Variants in ZNF600 observed in about 807,000 individuals in gnomAD.
ZNF600 encodes zinc finger protein KR-ZNF1.
Under a neutral mutation model 7.3 loss-of-function variants are expected in ZNF600, and 4 were observed. The ratio of observed to expected loss-of-function variants is 0.55; its 90% CI spans 0.27 to 1.25. The LOEUF is 1.25. Among genes scored for constraint, ZNF600 ranks in the 50% most tolerant of loss-of-function variants. The probability of loss-of-function intolerance (pLI) is 0.12; values close to 1 mark genes in which losing one functional copy is unlikely to be tolerated. For missense variants in ZNF600, 911 were observed against 922.1 expected, an observed-to-expected ratio of 0.99 and a Z score of 0.16; for synonymous variants, 290 against 308.9, an observed-to-expected ratio of 0.94 and a Z score of 0.64.
exon 4 of ZNF600, chr19:52,766,957 T>C (rs750263477): frequency 5.6e-6 from 9 of 1,613,908 alleles, no homozygotes; most frequent in African/African-American, 4.0e-5. Context: ...CCAGTATGAA[T>C]TGCCTTATGA....
chr19:52,815,782 A>G, the ZNF600 span, among the ~76,000 whole-genome samples: 6 of 146,106 alleles, frequency 4.1e-5, no homozygotes, highest in Admixed American at 2.1e-4. Context: ...CCGAGATTGC[A>G]CCACTGCACT....
At chr19:52,810,174 G>A in the ZNF600 span, 1 of 974,576 alleles carries the variant, frequency 1.0e-6, no homozygotes, top group Non-Finnish European at 1.7e-6. Context: ...TGGAGTCAGG[G>A]AGGTGGAGGA....
intron 2 of ZNF600, among the ~76,000 whole-genome samples, chr19:52,775,504 C>T (rs1430597693): frequency 6.6e-5 from 10 of 151,966 alleles, no homozygotes; most frequent in Non-Finnish European, 1.3e-4. Flanking sequence ...GAGCCAAGAT[C>T]GCACCACTGC....
At chr19:52,795,517 G>C in the ZNF600 span, among the ~76,000 whole-genome samples, 2 of 152,066 alleles carry the variant, frequency 1.3e-5, no homozygotes, top group African/African-American at 4.8e-5. Context: ...GGAAAACAAT[G>C]ATGTGACTTC....
the ZNF600 span, chr19:52,806,081 T>C: frequency 6.6e-6 from 1 of 152,258 alleles, no homozygotes; most frequent in Non-Finnish European, 1.5e-5. Context: ...ATAAAAGGCA[T>C]GAAAAACACT....
intron 2 of ZNF600, among the ~76,000 whole-genome samples, chr19:52,775,737 A>C (rs762049051): frequency 6.6e-6 from 1 of 152,196 alleles, no homozygotes. Flanking sequence ...GCGCAGGCAC[A>C]GTGGCTCATG....
chr19:52,789,113 C>A (rs916333715), upstream of ZNF600, among the ~76,000 whole-genome samples: 1 of 152,112 alleles, frequency 6.6e-6, no homozygotes, highest in African/African-American at 2.4e-5. Flanking sequence ...TGGGAGAACA[C>A]AAAAGTTTTC....
chr19:52,803,081 T>C, the ZNF600 span, among the ~76,000 whole-genome samples: 1 of 151,108 alleles, frequency 6.6e-6, no homozygotes, highest in Non-Finnish European at 1.5e-5. Context: ...AAAAATTTTA[T>C]GTATTTTTAT....
At chr19:52,766,999 T>C (rs746345510) in exon 4 of ZNF600, 1 of 1,614,062 alleles carries the variant, frequency 6.2e-7, no homozygotes, top group Non-Finnish European at 8.5e-7. Context: ...CCAAAGATCT[T>C]GCCACACTCA....
upstream of ZNF600, among the ~76,000 whole-genome samples, chr19:52,791,779 C>T (rs574639702): frequency 6.6e-6 from 1 of 152,182 alleles, no homozygotes; most frequent in East Asian, 1.9e-4. Flanking sequence ...ATCTCGCCCC[C>T]CTCCTGGAGG....
upstream of ZNF600, among the ~76,000 whole-genome samples, chr19:52,788,375 C>G (rs1209141628): frequency 6.6e-6 from 1 of 152,120 alleles, no homozygotes; most frequent in Non-Finnish European, 1.5e-5. Context: ...CTTTGCTCCT[C>G]TTGGTGTCTT....
At chr19:52,786,204 C>T (rs949336650) in intron 1 of ZNF600, among the ~76,000 whole-genome samples, 7 of 69,796 alleles carry the variant, frequency 1.0e-4, no homozygotes, top group Non-Finnish European at 7.4e-5. Context: ...GCCCCTGCGA[C>T]CCACCCCAAC....
the ZNF600 span, among the ~76,000 whole-genome samples, chr19:52,833,015 A>G: frequency 6.6e-6 from 1 of 152,008 alleles, no homozygotes; most frequent in Non-Finnish European, 1.5e-5. Context: ...CAAGTGATCC[A>G]CCTGCCTTGG....
the ZNF600 span, among the ~76,000 whole-genome samples, chr19:52,816,802 G>A: frequency 4.1e-3 from 626 of 151,328 alleles, 4 homozygotes; most frequent in African/African-American, 0.015. Context: ...CTGCACTGCA[G>A]CCTGGGCAAC....
At chr19:52,800,227 A>G in the ZNF600 span, 1 of 1,611,456 alleles carries the variant, frequency 6.2e-7, no homozygotes, top group Non-Finnish European at 8.5e-7. Context: ...TTATGATGAC[A>G]TGCAAGGTTT....
Position 52,774,188 on chromosome 19 carries a change from G to A in ZNF600, c.190+387C>T, listed in dbSNP as rs1013027715. Among the ~76,000 whole-genome samples, 18 of 152,054 alleles carry A rather than the reference G, an allele frequency of 1.2e-4. 1 individual carries two copies. The highest frequency in any genetic ancestry group is 2.0e-4 in the East Asian group (1 of 5,114). On this transcript the variant is annotated intron_variant, in intron 3 of 3. Coordinates refer to ENST00000648973, the Ensembl canonical transcript of ZNF600. ...CTCATGCCTGTAATCCCAGCACATT[G>A]GGAGGCCGAGGTGGGTGGATCACGT...
chr19:52,805,743 G>C, the ZNF600 span: 2 of 152,072 alleles, frequency 1.3e-5, no homozygotes, highest in East Asian at 3.9e-4. Flanking sequence ...AACACTTTGG[G>C]AGGATGAGCT....
the ZNF600 span, chr19:52,799,473 G>C: frequency 4.2e-4 from 384 of 917,046 alleles, 1 homozygote; most frequent in African/African-American, 5.8e-3. Context: ...ATGATGACGT[G>C]CAAGGGTTGT....
At chr19:52,829,410 T>C in the ZNF600 span, among the ~76,000 whole-genome samples, 1 of 146,820 alleles carries the variant, frequency 6.8e-6, no homozygotes, top group Non-Finnish European at 1.5e-5. Context: ...GTTTCACTCT[T>C]ATTGCCCAGG....
Sources: gnomAD v4.1 joint callset for allele counts (sites outside exome capture counted in the v4.1 genomes callset) on GRCh38, gnomAD v4.1.1 for gene constraint, MANE v1.5 for transcripts, NCBI Gene and HGNC (gene_info 2026-07-23, HGNC 2026-07-21) for gene names.